The following HIVEP3 variants were observed in gnomAD, a reference collection of about 807,000 sequenced individuals.
HIVEP3 encodes the protein HIVEP zinc finger 3, also known as transcription factor HIVEP3.
Under a neutral mutation model 152.8 loss-of-function variants are expected in HIVEP3, and 49 were observed. The observed-to-expected ratio is 0.32, with a 90% CI of 0.26 to 0.41. The LOEUF (loss-of-function observed/expected upper bound fraction) is 0.41, where lower values mean the gene tolerates loss of function less well. Ranked by LOEUF, HIVEP3 falls within the 10% of genes least tolerant of loss-of-function variation. HIVEP3 has a pLI of 1.00. For missense variants in HIVEP3, 2,790 were observed against 3,103.3 expected (o/e 0.90, Z 2.40); for synonymous variants, 1,269 against 1,289.0 (o/e 0.98, Z 0.33).
At chr1:41,907,545 A>G (rs1644733678) in intron 1 of HIVEP3, among the ~76,000 whole-genome samples, 1 of 152,198 alleles carries the variant, frequency 6.6e-6, no homozygotes, top group Non-Finnish European at 1.5e-5. Flanking sequence ...AAGCAGCAGT[A>G]ATGGGAAAAG....
At chr1:41,632,540 G>A (rs918013764) in intron 2 of HIVEP3, among the ~76,000 whole-genome samples, 1 of 152,128 alleles carries the variant, frequency 6.6e-6, no homozygotes, top group African/African-American at 2.4e-5. Context: ...GGCGGATCAC[G>A]GGTTCAAGAG....
chr1:41,546,015 G>A (rs1643795538), intron 5 of HIVEP3, among the ~76,000 whole-genome samples: 1 of 152,260 alleles, frequency 6.6e-6, no homozygotes, highest in Admixed American at 6.5e-5. Context: ...ACGGCTGAGT[G>A]TGAATCCCAG....
chr1:41,580,352 C>A lies in HIVEP3; in HGVS notation c.4446G>T (p.Glu1482Asp). The change falls in exon 4 of 9, where the codon GAG (glutamate) becomes GAT (aspartate). Residue 1482 changes from glutamate to aspartate, a missense_variant. Glu to Asp is a conservative substitution (Grantham distance 45). Transcript: ENST00000372583. Reference protein sequence around the residue: ...LTSTEDGKRPEKSHLGNQGQG... With the variant: ...LTSTEDGKRPDKSHLGNQGQG... ...GGCCCTGGTTGCCTAAGTGGGATTT[C>A]TCTGGCCTCTTCCCATCCTCGGTGC... The A allele has an allele frequency of 6.2e-7, 1 of 1,614,198 alleles. No individual in the cohort carries two copies. The highest frequency in any genetic ancestry group is 8.5e-7 in the Non-Finnish European group (1 of 1,180,034).
rs917460054 is a variant in HIVEP3 at position 41,637,576 on chromosome 1, T to A, written c.-720-8629A>T. ...CTGTTAGACTCTGGAGACTGCACTCTCAGCTGTGACACACACTTCCTCTCA... is the reference window on the plus strand; with the variant it reads ...CTGTTAGACTCTGGAGACTGCACTCACAGCTGTGACACACACTTCCTCTCA... On this transcript the variant is annotated intron_variant, in intron 2 of 8. Coordinates refer to ENST00000372583, the MANE Select transcript of HIVEP3 (RefSeq NM_024503.5). Among the ~76,000 whole-genome samples, 4 of 152,158 alleles carry A rather than the reference T, an allele frequency of 2.6e-5. No individual in the cohort carries two copies. The East Asian group carries it at 7.7e-4, about 29-fold the overall frequency.
intron 1 of HIVEP3, among the ~76,000 whole-genome samples, chr1:41,722,403 GCCTTCCTTCCTTCCTTCCTTCCTT>G (rs374319014): frequency 8.9e-6 from 1 of 112,974 alleles, no homozygotes; most frequent in East Asian, 2.9e-4. Flanking sequence ...AATTTGGCTG[GCCTTCCTTCCTTCCTTCCTTCCTT>G]CCTTCCTTCC....
intron 5 of HIVEP3, among the ~76,000 whole-genome samples, chr1:41,573,653 T>C (rs1247826033): frequency 2.0e-5 from 3 of 152,218 alleles, no homozygotes; most frequent in East Asian, 1.9e-4. Context: ...CTATGAATTA[T>C]AGCCTTCATA....
At chr1:41,715,738 G>T (rs1350121374) in intron 1 of HIVEP3, among the ~76,000 whole-genome samples, 1 of 152,214 alleles carries the variant, frequency 6.6e-6, no homozygotes, top group Non-Finnish European at 1.5e-5. Context: ...TAGGGAAAAT[G>T]AGAGTGACCC....
chr1:41,649,117 T>C (rs1212979355), intron 2 of HIVEP3, among the ~76,000 whole-genome samples: 2 of 152,202 alleles, frequency 1.3e-5, no homozygotes, highest in East Asian at 3.8e-4. Context: ...AAGAGCTCTA[T>C]ATTTAGACTC....
chr1:41,602,902 G>A (rs937519082), intron 3 of HIVEP3, among the ~76,000 whole-genome samples: 2 of 151,770 alleles, frequency 1.3e-5, no homozygotes, highest in African/African-American at 4.8e-5. Flanking sequence ...ATAAGTTTTG[G>A]TATGTTGTGT....
upstream of HIVEP3, among the ~76,000 whole-genome samples, chr1:41,921,765 T>C (rs1188412829): frequency 1.3e-5 from 2 of 152,176 alleles, no homozygotes; most frequent in Non-Finnish European, 2.9e-5. Flanking sequence ...GGTCAGTTTC[T>C]CCACACAGAA....
chr1:41,948,295 G>A (rs1051943234), intron 1 of HIVEP3, among the ~76,000 whole-genome samples: 20 of 152,240 alleles, frequency 1.3e-4, no homozygotes, highest in African/African-American at 4.1e-4. Context: ...TTAGGAGAAG[G>A]AAAAAGGGTA....
chr1:41,623,961 C>T (rs778836748), intron 3 of HIVEP3, among the ~76,000 whole-genome samples: 4 of 152,216 alleles, frequency 2.6e-5, no homozygotes, highest in Admixed American at 6.5e-5. Flanking sequence ...CCTTGCTCCA[C>T]GCTCTTCTGC....
chr1:41,886,564 T>A (rs963628356), intron 1 of HIVEP3, among the ~76,000 whole-genome samples: 5 of 151,442 alleles, frequency 3.3e-5, no homozygotes, highest in Non-Finnish European at 7.4e-5. Flanking sequence ...AATACAACAT[T>A]AGTTGGGTGT....
intron 1 of HIVEP3, among the ~76,000 whole-genome samples, chr1:41,820,444 C>T (rs1366305703): frequency 1.3e-5 from 2 of 152,130 alleles, no homozygotes; most frequent in Non-Finnish European, 2.9e-5. Context: ...CATGTTGTCC[C>T]CATAGACTTT....
chr1:41,936,645 C>A (rs1200371464), intron 1 of HIVEP3, among the ~76,000 whole-genome samples: 1 of 152,208 alleles, frequency 6.6e-6, no homozygotes, highest in African/African-American at 2.4e-5. Flanking sequence ...TGGAATGCCT[C>A]ATTTCCTGAT....
intron 1 of HIVEP3, among the ~76,000 whole-genome samples, chr1:42,002,666 G>A (rs1645434883): frequency 6.6e-6 from 1 of 152,188 alleles, no homozygotes; most frequent in African/African-American, 2.4e-5. Flanking sequence ...ATGGCTTAGG[G>A]GACTCCAGAT....
chr1:42,005,235 G>A (rs1645451843), intron 1 of HIVEP3, among the ~76,000 whole-genome samples: 1 of 152,128 alleles, frequency 6.6e-6, no homozygotes, highest in African/African-American at 2.4e-5. Context: ...ACTTACTAAT[G>A]TACAGGGCTT....
chr1:41,812,661 A>T (rs1253866072), intron 1 of HIVEP3, among the ~76,000 whole-genome samples: 1 of 152,078 alleles, frequency 6.6e-6, no homozygotes, highest in Non-Finnish European at 1.5e-5. Context: ...GGAAATTAGC[A>T]AATACCAAGG....
At chr1:41,892,055 G>C (rs1644455374) in intron 1 of HIVEP3, among the ~76,000 whole-genome samples, 1 of 152,172 alleles carries the variant, frequency 6.6e-6, no homozygotes, top group South Asian at 2.1e-4. Flanking sequence ...AAAATAGCTT[G>C]CATCAAAACA....
Sources: allele counts gnomAD v4.1 joint callset (sites outside exome capture counted in the v4.1 genomes callset), GRCh38; gene constraint gnomAD v4.1.1; transcripts MANE v1.5; gene names NCBI Gene and HGNC (gene_info 2026-07-23, HGNC 2026-07-21).